UTP6: variants seen among roughly 807,000 people sequenced by gnomAD.
The protein encoded by UTP6 is UTP6 small subunit processome component.
A neutral mutation model predicts 96.5 loss-of-function variants in UTP6; 60 were observed. The observed-to-expected ratio is 0.62, with a 90% CI of 0.51 to 0.77. The LOEUF is 0.77. UTP6 is among the 30% of genes least tolerant of loss of function. The pLI is 0.00. For missense variants in UTP6, 637 were observed against 706.5 expected (o/e 0.90, Z 1.12); for synonymous variants, 215 against 240.1 (o/e 0.90, Z 0.96).
chr17:31,882,406 C>T (rs893949412), intron 10 of UTP6, among the ~76,000 whole-genome samples: 33 of 152,006 alleles, frequency 2.2e-4, no homozygotes, highest in Admixed American at 9.8e-4. Flanking sequence ...CTGCAACCTC[C>T]ACCTTCCAGG....
chr17:31,898,806 C>T (rs1904804475), intron 2 of UTP6, among the ~76,000 whole-genome samples: 1 of 152,078 alleles, frequency 6.6e-6, no homozygotes, highest in African/African-American at 2.4e-5. Flanking sequence ...TTTGGGAGGC[C>T]GATGCTGGTG....
In UTP6 at chr17:31,884,446, G is replaced by C. The variant is rs748025691; in HGVS notation, c.763C>G (p.Leu255Val). The change falls in exon 10 of 19, where the codon CTA becomes GTA. Residue 255 changes from leucine to valine, a missense_variant. Transcript: ENST00000261708. ...TACTCATCATAAATCTCTTTTTGTA[G>C]ATCTTTGGCAAAGTCAAATAGCTGT... ...IAQLFDFAKD[L>V]QKEIYDDLQA... The C allele has an allele frequency of 1.2e-6, 2 of 1,610,964 alleles. No homozygotes were observed. Among genetic ancestry groups the C allele is most frequent in the South Asian group, 1.1e-5 (1 of 90,288 alleles).
At chr17:31,894,790 A>C in intron 3 of UTP6, 53 bp from the exon 4 acceptor site, 1 of 1,491,210 alleles carries the variant, frequency 6.7e-7, no homozygotes, top group Non-Finnish European at 9.2e-7. Context: ...TTTGTCCAAA[A>C]CAGCATTCCT....
At chr17:31,891,852 G>A (rs1457801419) in intron 6 of UTP6, among the ~76,000 whole-genome samples, 1 of 152,142 alleles carries the variant, frequency 6.6e-6, no homozygotes, top group Non-Finnish European at 1.5e-5. Flanking sequence ...GTAAAACCCA[G>A]TCTCTACTAA....
chr17:31,889,224 T>G, intron 7 of UTP6, 61 bp downstream of exon 7: 2 of 1,288,588 alleles, frequency 1.6e-6, no homozygotes, highest in Non-Finnish European at 2.1e-6. Flanking sequence ...GAAAAAAAAA[T>G]ATGTCTCCAG....
chr17:31,865,282 G>A, intron 18 of UTP6, 84 bp downstream of exon 18: 2 of 1,432,656 alleles, frequency 1.4e-6, no homozygotes, highest in Non-Finnish European at 1.9e-6. Flanking sequence ...CAAAGTGCTG[G>A]GATTACAGGC....
rs749549588 is a variant in UTP6, at chr17:31,886,097, A to G, written c.622-36T>C. ...TTATATCAAACGTAACTTAACAGGT[A>G]GTACAAGGAGGAAAAGCACTAGGAC... On this transcript the variant is annotated intron_variant, in intron 8 of 18. Transcript: ENST00000261708. 7 of 1,577,270 alleles carry G rather than the reference A, an allele frequency of 4.4e-6. No individual in the cohort carries two copies. In the African/African-American group the frequency reaches 8.1e-5, roughly 18 times the overall value.
At chr17:31,895,427 CTTTG>C (rs1428967862) in intron 2 of UTP6, among the ~76,000 whole-genome samples, 4 of 152,190 alleles carry the variant, frequency 2.6e-5, no homozygotes, top group Non-Finnish European at 4.4e-5. Context: ...ATTACCTTGA[CTTTG>C]TTATCATTCC....
rs796387547 is a variant in UTP6, at chr17:31,861,989, T to C, written c.*1370A>G. ...TCATCAACAGCATTTATCTAATTTT[T>C]AAAAAAATTAGAAATGACAGTCCAG... On this transcript the variant is annotated 3_prime_UTR_variant, in exon 19 of 19. Coordinates refer to ENST00000261708, the MANE Select transcript of UTP6 (RefSeq NM_018428.3). The C allele has an allele frequency of 1.1e-4, 16 of 152,308 alleles. 1 individual carries two copies. The highest frequency in any genetic ancestry group is 3.8e-4 in the African/African-American group (16 of 41,564). The allele number at this position is 152,308 out of a possible 1,614,324, so 9.4% of individuals were successfully genotyped here. A position where few individuals can be genotyped will look rare whatever the true frequency, so the allele number is the denominator to read the frequency against.
At chr17:31,878,196 C>T (rs368035634) in intron 13 of UTP6, 54 bp downstream of exon 13, 321 of 1,575,436 alleles carry the variant, frequency 2.0e-4, no homozygotes, top group Non-Finnish European at 2.6e-4. Flanking sequence ...TGGCACAAAA[C>T]AACTGGAATA....
In UTP6 at chr17:31,869,716, G is replaced by C. The variant is rs1010845192; in HGVS notation, c.1497-1604C>G. Among the ~76,000 whole-genome samples the C allele has an allele frequency of 6.6e-5, 10 of 152,140 alleles. 1 individual carries two copies. The highest frequency in any genetic ancestry group is 2.2e-4 in the African/African-American group (9 of 41,428). On this transcript the variant is annotated intron_variant, in intron 16 of 18. Coordinates refer to ENST00000261708, the MANE Select transcript of UTP6 (RefSeq NM_018428.3). Reference sequence around the variant, plus strand: ...TTCAGGGGAGTACATGTGCAGGTTTGTTATGTGTGTATATTGCGTGACACT... The same window carrying C: ...TTCAGGGGAGTACATGTGCAGGTTTCTTATGTGTGTATATTGCGTGACACT...
At position 31,878,724 on chromosome 17, in the gene UTP6, T is replaced by C. The variant is rs1388349837; in HGVS notation, c.1025A>G (p.Asn342Ser). The change falls in exon 12 of 19, where the codon AAT becomes AGT. Residue 342 changes from asparagine (N) to serine (S), a missense_variant. Asn to Ser is a conservative substitution (Grantham distance 46). Transcript: ENST00000261708. ...FCLERFTKKS[N>S]SGFLRGKRLE... ...CACCTTCCCTCTAAGGAACCCACTA[T>C]TTGACTTCTTAGTAAATCTTTCCAA... The C allele has an allele frequency of 3.7e-6, 6 of 1,614,176 alleles. No individual in the cohort carries two copies. Among genetic ancestry groups the C allele is most frequent in the East Asian group, 2.2e-5 (1 of 44,878 alleles).
intron 16 of UTP6, among the ~76,000 whole-genome samples, chr17:31,872,194 CA>C (rs1015402140): frequency 2.9e-4 from 39 of 134,308 alleles, no homozygotes; most frequent in East Asian, 2.1e-4. Context: ...GACTCCATCT[CA>C]AAAAAAAAAA....
At chr17:31,880,474 C>T (rs1438112613) in intron 11 of UTP6, 99 bp downstream of exon 11, 2 of 1,371,672 alleles carry the variant, frequency 1.5e-6, no homozygotes, top group Admixed American at 1.7e-5. Flanking sequence ...GTTACAGAGA[C>T]ATCCCCAATA....
At chr17:31,866,717 T>TAGAA (rs560924136) in intron 17 of UTP6, 1 of 109,248 alleles carries the variant, frequency 9.2e-6, no homozygotes, top group Non-Finnish European at 1.7e-5. Flanking sequence ...AGACTCCGTC[T>TAGAA]AAAAAAAAAA....
intron 1 of UTP6, among the ~76,000 whole-genome samples, chr17:31,900,839 G>T (rs1264363698): frequency 6.6e-6 from 1 of 152,192 alleles, no homozygotes; most frequent in Non-Finnish European, 1.5e-5. Context: ...CAAGACAGGT[G>T]TCTTTAGTAA....
At chr17:31,895,107 G>A (rs1234639619) in intron 2 of UTP6, 96 bp from the exon 3 acceptor site, 6 of 913,780 alleles carry the variant, frequency 6.6e-6, no homozygotes, top group African/African-American at 1.7e-5. Flanking sequence ...CAAAAATCGA[G>A]AATATAAAAT....
chr17:31,896,325 G>A (rs897395214), intron 2 of UTP6, among the ~76,000 whole-genome samples: 4 of 151,720 alleles, frequency 2.6e-5, no homozygotes, highest in South Asian at 2.1e-4. Flanking sequence ...TAATCCACCC[G>A]CCTCAGCCTC....
intron 11 of UTP6, 62 bp from the exon 12 acceptor site, chr17:31,878,843 G>T: frequency 6.8e-7 from 1 of 1,475,042 alleles, no homozygotes; most frequent in Non-Finnish European, 9.4e-7. Context: ...TCACATCAAA[G>T]TTATTAAAAG....
Sources: gnomAD v4.1 joint callset for allele counts (sites outside exome capture counted in the v4.1 genomes callset) on GRCh38, gnomAD v4.1.1 for gene constraint, MANE v1.5 for transcripts, NCBI Gene and HGNC (gene_info 2026-07-23, HGNC 2026-07-21) for gene names.